The following WDR11 variants were observed in gnomAD, a reference collection of about 807,000 sequenced individuals.
WDR11 encodes the protein WD repeat-containing protein 11.
WDR11 carries 83 observed loss-of-function variants against 151.2 expected under a neutral mutation model. The ratio of observed to expected loss-of-function variants is 0.55; its 90% CI spans 0.46 to 0.66. The LOEUF is 0.66. WDR11 is among the 30% of genes least tolerant of loss of function. The pLI, the probability that WDR11 is intolerant of heterozygous loss-of-function variation, is 0.00. For synonymous variants in WDR11, 484 were observed against 533.1 expected (o/e 0.91, Z 1.27); for missense variants, 1,301 against 1,480.9 (o/e 0.88, Z 1.99).
intron 2 of WDR11, among the ~76,000 whole-genome samples, chr10:120,857,462 A>AT (rs964507469): frequency 3.9e-5 from 6 of 152,224 alleles, no homozygotes; most frequent in African/African-American, 1.4e-4. Flanking sequence ...CACTATACAT[A>AT]TTCTATTCAT....
chr10:120,888,116 G>A (rs1013820267), intron 16 of WDR11, among the ~76,000 whole-genome samples: 7 of 152,098 alleles, frequency 4.6e-5, no homozygotes, highest in East Asian at 1.9e-4. Context: ...GAATTTTTAT[G>A]TTGTACAATA....
intron 17 of WDR11, 80 bp downstream of exon 17, chr10:120,889,264 G>C (rs929324994): frequency 4.6e-5 from 31 of 669,774 alleles, no homozygotes; most frequent in Non-Finnish European, 6.5e-5. Flanking sequence ...TTGAGATGGT[G>C]TCTTGCTCTG....
intron 12 of WDR11, chr10:120,879,583 C>T (rs1447880804): frequency 6.6e-6 from 1 of 152,196 alleles, no homozygotes; most frequent in African/African-American, 2.4e-5. Flanking sequence ...CTGCTTTGCA[C>T]AGATGTATTT....
At chr10:120,873,776 TTTTC>T in intron 10 of WDR11, 59 bp from the exon 11 acceptor site, 1 of 1,160,704 alleles carries the variant, frequency 8.6e-7, no homozygotes, top group South Asian at 1.2e-5. Flanking sequence ...GAGAAAAGAC[TTTTC>T]TTGCAAAGTG....
Position 120,905,383 on chromosome 10 carries a change from C to T in WDR11, c.3258C>T (p.Tyr1086=), listed in dbSNP as rs370267257. The T allele has an allele frequency of 8.7e-6, 14 of 1,614,014 alleles. No homozygotes were observed. The highest frequency in any genetic ancestry group is 4.5e-5 in the East Asian group (2 of 44,890). The change falls in exon 26 of 29, where the codon TAC becomes TAT. Residue 1086 remains tyrosine (Y), a synonymous_variant. Transcript: ENST00000263461. The part of the protein sequence containing the change: ...AADACRYLQT[Y]GEWNRAAWLA... Reference sequence around the variant, plus strand: ...ACGCCTGCCGCTACCTGCAGACATACGGCGAGTGGAATCGGGCTGCATGGC... The same window carrying T: ...ACGCCTGCCGCTACCTGCAGACATATGGCGAGTGGAATCGGGCTGCATGGC...
At chr10:120,902,525 C>T (rs1424073271) in intron 22 of WDR11, among the ~76,000 whole-genome samples, 1 of 152,070 alleles carries the variant, frequency 6.6e-6, no homozygotes, top group Non-Finnish European at 1.5e-5. Flanking sequence ...TAGGCCTTCT[C>T]TCTGGAAAGC....
At chr10:120,898,801 GT>G (rs3837334) in intron 19 of WDR11, among the ~76,000 whole-genome samples, 98,849 of 151,978 alleles carry the variant, frequency 0.65, 32,993 homozygotes, top group African/African-American at 0.81. Context: ...ATACGGAACT[GT>G]TGAGTCAATT....
intron 10 of WDR11, among the ~76,000 whole-genome samples, chr10:120,872,081 T>C (rs1846565982): frequency 6.6e-6 from 1 of 152,214 alleles, no homozygotes; most frequent in Non-Finnish European, 1.5e-5. Flanking sequence ...GCTTCTGGCT[T>C]TCTCCCCCAG....
intron 19 of WDR11, among the ~76,000 whole-genome samples, chr10:120,896,828 A>G (rs1847631708): frequency 6.6e-6 from 1 of 152,190 alleles, no homozygotes; most frequent in African/African-American, 2.4e-5. Context: ...TTGGTAAAAA[A>G]TCATGACTTC....
At position 120,909,262 on chromosome 10, in the gene WDR11, T is replaced by TAA. The variant is rs1554862752; in HGVS notation, c.*550_*551dup. The TAA allele has an allele frequency of 1.3e-5, 2 of 155,768 alleles. No individual in the cohort carries two copies. The highest frequency in any genetic ancestry group is 4.8e-5 in the African/African-American group (2 of 41,468). 9.6% of individuals were successfully genotyped at this position (155,768 alleles called of 1,614,324 possible). On this transcript the variant is annotated 3_prime_UTR_variant, in exon 29 of 29. Coordinates refer to ENST00000263461, the MANE Select transcript of WDR11 (RefSeq NM_018117.12). Reference sequence around the variant, plus strand: ...TTAATTCCTTGGTTTAAGCAGTTGCTAAGTTTTGTAATTTTAGGCTCAGAG... The same window carrying TAA: ...TTAATTCCTTGGTTTAAGCAGTTGCTAAAAGTTTTGTAATTTTAGGCTCAGAG...
chr10:120,857,437 G>A (rs1022456500), intron 2 of WDR11, among the ~76,000 whole-genome samples: 1 of 152,128 alleles, frequency 6.6e-6, no homozygotes, highest in African/African-American at 2.4e-5. Flanking sequence ...AGAATGGACT[G>A]TGTACACATA....
At chr10:120,851,638 C>A in intron 1 of WDR11, 132 bp downstream of exon 1, 1 of 1,098,444 alleles carries the variant, frequency 9.1e-7, no homozygotes, top group Non-Finnish European at 1.3e-6. Flanking sequence ...ACGCAATGAG[C>A]TTGCTTTCAG....
At chr10:120,876,261 T>C (rs1162796471) in intron 11 of WDR11, among the ~76,000 whole-genome samples, 1 of 152,160 alleles carries the variant, frequency 6.6e-6, no homozygotes, top group Non-Finnish European at 1.5e-5. Context: ...ATTACAGGCG[T>C]GAGCCACCGC....
intron 2 of WDR11, among the ~76,000 whole-genome samples, chr10:120,852,957 A>C (rs1361397578): frequency 1.3e-5 from 2 of 152,212 alleles, no homozygotes; most frequent in African/African-American, 2.4e-5. Flanking sequence ...CCATCTTATA[A>C]GGAAGACTCA....
At chr10:120,902,930 A>G in intron 22 of WDR11, 125 bp from the exon 23 acceptor site, 1 of 1,003,174 alleles carries the variant, frequency 1.0e-6, no homozygotes, top group Non-Finnish European at 1.5e-6. Flanking sequence ...TCACCCTGTC[A>G]GGCCCCATGC....
chr10:120,875,321 T>C (rs1338109236), intron 11 of WDR11, among the ~76,000 whole-genome samples: 1 of 152,252 alleles, frequency 6.6e-6, no homozygotes, highest in Non-Finnish European at 1.5e-5. Flanking sequence ...GATCTGCTTA[T>C]GAGTTCTGTG....
intron 4 of WDR11, among the ~76,000 whole-genome samples, chr10:120,861,892 G>A (rs546919955): frequency 6.6e-6 from 1 of 152,170 alleles, no homozygotes; most frequent in South Asian, 2.1e-4. Flanking sequence ...GTCACTGTGG[G>A]CCCACTACTG....
At chr10:120,887,700 T>A (rs1276838728) in intron 16 of WDR11, among the ~76,000 whole-genome samples, 1 of 152,182 alleles carries the variant, frequency 6.6e-6, no homozygotes, top group Non-Finnish European at 1.5e-5. Context: ...GGGACCTTAG[T>A]TCTTCATGTC....
chr10:120,908,733 G>T lies in WDR11; in HGVS notation c.*20G>T. On this transcript the variant is annotated 3_prime_UTR_variant, in exon 29 of 29. Transcript: ENST00000263461. ...GAGTGACAGCTTAATAAATGCCAGG[G>T]AATCTGACCTGGAAGGCAGATGGGA... 6.2e-7 allele frequency: 1 copy of T among 1,613,490 alleles called. No individual in the cohort carries two copies. The highest frequency in any genetic ancestry group is 1.1e-5 in the South Asian group (1 of 91,048).
Sources: allele counts gnomAD v4.1 joint callset (sites outside exome capture counted in the v4.1 genomes callset), GRCh38; gene constraint gnomAD v4.1.1; transcripts MANE v1.5; gene names NCBI Gene and HGNC (gene_info 2026-07-23, HGNC 2026-07-21).